The following MED17 variants were observed in gnomAD, a reference collection of about 807,000 sequenced individuals.
MED17 encodes the protein mediator complex subunit 17, also known as mediator of RNA polymerase II transcription subunit 17.
MED17 carries 49 observed loss-of-function variants against 80.8 expected under a neutral mutation model. The ratio of observed to expected loss-of-function variants is 0.61; its 90% confidence interval spans 0.48 to 0.77. The LOEUF is 0.77. MED17 is among the 30% of genes least tolerant of loss of function. The probability of loss-of-function intolerance (pLI) is 0.00; values close to 1 mark genes in which losing one functional copy is unlikely to be tolerated. For synonymous variants in MED17, 281 were observed against 280.4 expected (o/e 1.00, Z -0.02); for missense variants, 718 against 787.0 (o/e 0.91, Z 1.05).
chr11:93,789,187 T>C (rs1347222660), intron 2 of MED17: 1 of 152,210 alleles, frequency 6.6e-6, no homozygotes, highest in African/African-American at 2.4e-5. Flanking sequence ...ATTAATTGAA[T>C]AGAATTACTC....
chr11:93,793,482 CTTA>C (rs1022516690), intron 3 of MED17: 1 of 400,134 alleles, frequency 2.5e-6, no homozygotes. Context: ...CTGTGGAATT[CTTA>C]TTATGTTGAT....
intron 6 of MED17, 51 bp from the exon 7 acceptor site, chr11:93,796,359 C>A (rs533818294): frequency 6.7e-7 from 1 of 1,503,468 alleles, no homozygotes; most frequent in South Asian, 1.1e-5. Context: ...CAGTTTATGC[C>A]TTTCCATATT....
At position 93,807,474 on chromosome 11, in the gene MED17, A is replaced by T. The variant is rs181141588; in HGVS notation, c.1467-44A>T. 183 of 994,810 alleles carry T rather than the reference A, an allele frequency of 1.8e-4. 1 individual carries two copies. In the African/African-American group the frequency reaches 2.5e-3, roughly 14 times the overall value. 61.6% of individuals were successfully genotyped at this position (994,810 alleles called of 1,614,324 possible). ...TTTATTATTTATGAAATTGTATAAGATAATTTTGAACATCTCTGATTTTTA... is the reference window on the plus strand; with the variant it reads ...TTTATTATTTATGAAATTGTATAAGTTAATTTTGAACATCTCTGATTTTTA... On this transcript the variant is annotated intron_variant, in intron 9 of 11. Coordinates refer to ENST00000251871, the MANE Select transcript of MED17 (RefSeq NM_004268.5).
In MED17 at chr11:93,812,177, A is replaced by G. The variant is rs1944091693; in HGVS notation, c.*113A>G. On this transcript the variant is annotated 3_prime_UTR_variant, in exon 12 of 12. Coordinates refer to ENST00000251871, the MANE Select transcript of MED17 (RefSeq NM_004268.5). ...TTCCAAAAGAGTGCTGTTTTTAAAA[A>G]TAATAATTAGGAAATGTTTATTTAG... The G allele has an allele frequency of 3.3e-6, 3 of 899,232 alleles. No individual in the cohort carries two copies. In the South Asian group the frequency reaches 4.3e-5, roughly 13 times the overall value. The allele number at this position is 899,232 out of a possible 1,614,324, so 55.7% of individuals were successfully genotyped here.
In MED17 at chr11:93,793,848, G is replaced by C. The variant is rs1043857823; in HGVS notation, c.758G>C (p.Gly253Ala). 1 of 1,613,076 alleles carries C rather than the reference G, an allele frequency of 6.2e-7. No homozygotes were observed. Among genetic ancestry groups the C allele is most frequent in the Admixed American group, 1.7e-5 (1 of 59,984 alleles). Residue 253 changes from glycine to alanine, a missense_variant, in exon 4 of 12, where the codon GGG (glycine) becomes GCG (alanine). Physicochemically the swap from Gly to Ala is moderately conservative, Grantham distance 60. Coordinates refer to ENST00000251871, the MANE Select transcript of MED17 (RefSeq NM_004268.5). ...LDVQIPSDLE[G>A]SAYIKVSIQK... ...GTCCAAATTCCTAGTGATTTAGAGGGGTCTGCATATATCAAGGTATTTGTC... is the reference window on the plus strand; with the variant it reads ...GTCCAAATTCCTAGTGATTTAGAGGCGTCTGCATATATCAAGGTATTTGTC...
chr11:93,804,762 T>C (rs960951868), intron 9 of MED17, among the ~76,000 whole-genome samples: 2 of 152,238 alleles, frequency 1.3e-5, no homozygotes, highest in Admixed American at 6.5e-5. Context: ...ATAACCATCA[T>C]CGTCTAATTA....
intron 6 of MED17, chr11:93,795,949 G>GTTT (rs879690032): frequency 1.0e-4 from 16 of 152,734 alleles, no homozygotes; most frequent in South Asian, 5.3e-4. Context: ...TTCATGAATA[G>GTTT]TTTTTTTTTT....
At chr11:93,788,599 T>G (rs1199530819) in intron 2 of MED17, 2 of 158,600 alleles carry the variant, frequency 1.3e-5, no homozygotes, top group African/African-American at 4.9e-5. Flanking sequence ...GAGAATTGCT[T>G]GAGCCTGGGA....
rs974335276 is a variant in MED17 at position 93,814,015 on chromosome 11, C to A, written c.*1951C>A. 18 of 152,160 alleles carry A rather than the reference C, an allele frequency of 1.2e-4. No homozygotes were observed. The highest frequency in any genetic ancestry group is 4.1e-4 in the African/African-American group (17 of 41,446). The allele number at this position is 152,160 out of a possible 1,614,324, so 9.4% of individuals were successfully genotyped here. A position where few individuals can be genotyped will look rare whatever the true frequency, so the allele number is the denominator to read the frequency against. On this transcript the variant is annotated 3_prime_UTR_variant, in exon 12 of 12. Transcript: ENST00000251871. ...CAGGCATAAGCCACAGTGCCCAGCCCCCCCAAATATAAACATTTCTGAATG... is the reference window on the plus strand; with the variant it reads ...CAGGCATAAGCCACAGTGCCCAGCCACCCCAAATATAAACATTTCTGAATG...
At chr11:93,785,114 G>C (rs560449901) in intron 1 of MED17, among the ~76,000 whole-genome samples, 1 of 152,326 alleles carries the variant, frequency 6.6e-6, no homozygotes, top group South Asian at 2.1e-4. Context: ...GTGTGACCTT[G>C]GGCGAGTTAC....
intron 1 of MED17, among the ~76,000 whole-genome samples, chr11:93,786,507 G>A (rs588644): frequency 0.56 from 84,267 of 151,076 alleles, 25,103 homozygotes; most frequent in East Asian, 0.75. Context: ...TGCTCTGTCG[G>A]CCAGGCTGGA....
intron 9 of MED17, among the ~76,000 whole-genome samples, chr11:93,804,003 A>ATGTGTGTG (rs1943994734): frequency 1.6e-4 from 1 of 6,118 alleles, no homozygotes; most frequent in African/African-American, 2.2e-4. Flanking sequence ...GTGTGTGTAT[A>ATGTGTGTG]TATATATATA....
At chr11:93,784,786 G>A (rs1263457514) in intron 1 of MED17, 23 bp downstream of exon 1, 1 of 1,534,470 alleles carries the variant, frequency 6.5e-7, no homozygotes, top group African/African-American at 1.4e-5. Context: ...TCCGCTGCCC[G>A]AGTCCCCCGG....
intron 8 of MED17, among the ~76,000 whole-genome samples, chr11:93,800,333 TA>T (rs1388463083): frequency 6.6e-6 from 1 of 151,988 alleles, no homozygotes; most frequent in Non-Finnish European, 1.5e-5. Context: ...ATTATTTTTT[TA>T]ATTTTGAGGT....
Position 93,787,991 on chromosome 11 carries a change from C to A in MED17, c.251-10C>A. 6.2e-7 allele frequency: 1 copy of A among 1,612,786 alleles called. No individual in the cohort carries two copies. Among genetic ancestry groups the A allele is most frequent in the Non-Finnish European group, 8.5e-7 (1 of 1,179,012 alleles). ...TTCTGTATTTCTTTTTTTTCTCTCT[C>A]TCTTTTTAGGAGTGGTAAAATTTCA... On this transcript the variant is annotated splice_polypyrimidine_tract_variant and intron_variant, in intron 1 of 11. Transcript: ENST00000251871.
chr11:93,809,171 C>T (rs542870256), intron 10 of MED17: 3 of 183,420 alleles, frequency 1.6e-5, no homozygotes, highest in African/African-American at 4.7e-5. Context: ...GGGGGAGAGT[C>T]GTGTAGAACA....
chr11:93,796,805 A>C, intron 7 of MED17: 1 of 432,766 alleles, frequency 2.3e-6, no homozygotes, highest in Non-Finnish European at 4.3e-6. Context: ...TGCAGAGGGA[A>C]GGGTGATTCT....
At chr11:93,798,676 G>A (rs903190640) in intron 8 of MED17, among the ~76,000 whole-genome samples, 1 of 151,966 alleles carries the variant, frequency 6.6e-6, no homozygotes, top group African/African-American at 2.4e-5. Flanking sequence ...AAATAACTTC[G>A]AGCAAGGGAT....
intron 1 of MED17, among the ~76,000 whole-genome samples, chr11:93,785,700 G>A (rs574497225): frequency 7.2e-5 from 11 of 152,318 alleles, no homozygotes; most frequent in Admixed American, 5.9e-4. Context: ...GAGTCGGATA[G>A]ATCTTCTTAA....
Sources: allele counts gnomAD v4.1 joint callset (sites outside exome capture counted in the v4.1 genomes callset), GRCh38; gene constraint gnomAD v4.1.1; transcripts MANE v1.5; gene names NCBI Gene and HGNC (gene_info 2026-07-23, HGNC 2026-07-21).